TBC1D1: variants seen among roughly 807,000 people sequenced by gnomAD.
The protein encoded by TBC1D1 is TBC1 (tre-2/USP6, BUB2, cdc16) domain family, member 1.
In TBC1D1, 89 loss-of-function variants were observed where a neutral mutation model predicts 125.6. The ratio of observed to expected loss-of-function variants is 0.71; its 90% CI spans 0.60 to 0.85. TBC1D1 has a LOEUF of 0.85. TBC1D1 is among the 40% of genes least tolerant of loss of function. The pLI is 0.00. For missense variants in TBC1D1, 1,377 were observed against 1,469.2 expected, an observed-to-expected ratio of 0.94 and a Z score of 1.03; for synonymous variants, 565 against 564.1, an observed-to-expected ratio of 1.00 and a Z score of -0.02.
chr4:38,003,543 G>C (rs1279295952), intron 2 of TBC1D1, among the ~76,000 whole-genome samples: 2 of 152,142 alleles, frequency 1.3e-5, no homozygotes, highest in Non-Finnish European at 2.9e-5. Context: ...AAGGTAGATG[G>C]AAGCTTGTTG....
chr4:37,932,338 T>C (rs1723435581), intron 2 of TBC1D1, among the ~76,000 whole-genome samples: 1 of 152,238 alleles, frequency 6.6e-6, no homozygotes, highest in South Asian at 2.1e-4. Flanking sequence ...GAATTACCAC[T>C]AATGTTTTAT....
intron 3 of TBC1D1, among the ~76,000 whole-genome samples, chr4:38,017,577 G>T (rs1197114320): frequency 6.6e-6 from 1 of 152,210 alleles, no homozygotes; most frequent in East Asian, 1.9e-4. Flanking sequence ...ACAAGCTTGT[G>T]TATCTGATTT....
At chr4:38,026,295 C>A (rs1052249649) in intron 6 of TBC1D1, among the ~76,000 whole-genome samples, 3 of 152,224 alleles carry the variant, frequency 2.0e-5, no homozygotes, top group Non-Finnish European at 2.9e-5. Context: ...CTGCCACAGT[C>A]CCAGCCTACT....
intron 15 of TBC1D1, among the ~76,000 whole-genome samples, chr4:38,114,878 A>C (rs143418723): frequency 5.2e-4 from 79 of 152,150 alleles, no homozygotes; most frequent in African/African-American, 1.8e-3. Flanking sequence ...GTTTGAAAGT[A>C]CGGAGATATG....
At chr4:37,915,995 T>A (rs1719653749) in intron 2 of TBC1D1, among the ~76,000 whole-genome samples, 1 of 152,242 alleles carries the variant, frequency 6.6e-6, no homozygotes, top group Non-Finnish European at 1.5e-5. Flanking sequence ...CAGCCTTTAC[T>A]GTTGAGAAAA....
chr4:37,902,844 G>A (rs536108972), intron 2 of TBC1D1, among the ~76,000 whole-genome samples: 65 of 152,326 alleles, frequency 4.3e-4, no homozygotes, highest in South Asian at 1.7e-3. Context: ...GAGCTTGTGA[G>A]TCACCTGGGG....
intron 2 of TBC1D1, among the ~76,000 whole-genome samples, chr4:37,985,277 A>T (rs1300570516): frequency 6.6e-6 from 1 of 152,160 alleles, no homozygotes; most frequent in Admixed American, 6.5e-5. Context: ...TTATGAATCT[A>T]ATCTTAAGTA....
intron 2 of TBC1D1, chr4:37,960,549 T>C (rs763151477): frequency 1.9e-6 from 3 of 1,614,098 alleles, no homozygotes; most frequent in Admixed American, 1.7e-5. Context: ...AGATGGGATA[T>C]CTCAAGTTTT....
At chr4:37,940,198 T>C (rs568381233) in intron 2 of TBC1D1, among the ~76,000 whole-genome samples, 26 of 152,344 alleles carry the variant, frequency 1.7e-4, no homozygotes, top group African/African-American at 6.0e-4. Flanking sequence ...TTTTATTTCA[T>C]TGAGTAGTGG....
At chr4:37,921,212 T>C (rs1720913861) in intron 2 of TBC1D1, among the ~76,000 whole-genome samples, 1 of 150,040 alleles carries the variant, frequency 6.7e-6, no homozygotes, top group African/African-American at 2.5e-5. Context: ...ATCCCACAGA[T>C]CTGGCAGTGC....
At chr4:38,108,679 G>A (rs11096923) in intron 15 of TBC1D1, among the ~76,000 whole-genome samples, 69,550 of 152,068 alleles carry the variant, frequency 0.46, 16,638 homozygotes, top group African/African-American at 0.6. Flanking sequence ...GAGCTGTCAT[G>A]TTGATTGTTT....
intron 12 of TBC1D1, among the ~76,000 whole-genome samples, chr4:38,062,283 C>G (rs1752908476): frequency 6.6e-6 from 1 of 150,596 alleles, no homozygotes; most frequent in Non-Finnish European, 1.5e-5. Context: ...TTTTTTTTTC[C>G]CTGCGTGTTT....
chr4:37,921,223 G>A (rs569689087), intron 2 of TBC1D1, among the ~76,000 whole-genome samples: 1 of 151,674 alleles, frequency 6.6e-6, no homozygotes, highest in East Asian at 1.9e-4. Flanking sequence ...CTGGCAGTGC[G>A]GGTGGTCACT....
chr4:37,964,660 C>A (rs534802584), intron 2 of TBC1D1, among the ~76,000 whole-genome samples: 1 of 152,222 alleles, frequency 6.6e-6, no homozygotes, highest in Non-Finnish European at 1.5e-5. Context: ...CAGCCTACTG[C>A]GGGTCTCACT....
rs540156102 is a variant in TBC1D1, at chr4:38,044,366, C to G, written c.1418C>G (p.Ser473Trp). Residue 473 changes from serine to tryptophan, a missense_variant, in exon 9 of 20, where the codon TCG becomes TGG. By Grantham distance (177) the Ser-to-Trp change is radical. Around this residue, in one of 3 missense-constraint regions of TBC1D1, gnomAD observed 822 missense variants for 824.6 expected, o/e 1.00. Coordinates refer to ENST00000261439, the MANE Select transcript of TBC1D1 (RefSeq NM_015173.4). ...TTTCGTTTTTCACTTTTTTAGACAT[C>G]GCAGATGGCAGCAGAGAATATTGGA... 44 of 1,598,798 alleles carry G rather than the reference C, an allele frequency of 2.8e-5. No individual in the cohort carries two copies. The South Asian group carries it at 5.0e-4, about 18-fold the overall frequency.
At chr4:38,107,446 T>C (rs2152564065) in intron 15 of TBC1D1, among the ~76,000 whole-genome samples, 1 of 152,370 alleles carries the variant, frequency 6.6e-6, no homozygotes, top group South Asian at 2.1e-4. Context: ...ATTTCAGTTT[T>C]CCTTAAAAAG....
At chr4:37,985,369 G>T (rs1421324581) in intron 2 of TBC1D1, among the ~76,000 whole-genome samples, 1 of 152,136 alleles carries the variant, frequency 6.6e-6, no homozygotes. Context: ...GTGCTCTTTT[G>T]TTAAATTTAT....
intron 2 of TBC1D1, among the ~76,000 whole-genome samples, chr4:37,963,396 G>A (rs1327044751): frequency 6.6e-6 from 1 of 151,614 alleles, no homozygotes. Context: ...AGTTGAGGTG[G>A]GGGGTGAGGG....
At chr4:38,067,473 A>G (rs749519328) in intron 12 of TBC1D1, among the ~76,000 whole-genome samples, 84 of 152,298 alleles carry the variant, frequency 5.5e-4, no homozygotes, top group Non-Finnish European at 9.8e-4. Flanking sequence ...CCTTCTTCTT[A>G]CTGGTACCAG....
Sources: gnomAD v4.1 joint callset for allele counts (sites outside exome capture counted in the v4.1 genomes callset) on GRCh38, gnomAD v4.1.1 for gene constraint, gnomAD v4.1.1 regional missense constraint, MANE v1.5 for transcripts, NCBI Gene and HGNC (gene_info 2026-07-23, HGNC 2026-07-21) for gene names.